The following CAPS2 variants were observed in gnomAD, a reference collection of about 807,000 sequenced individuals.
CAPS2 encodes calcyphosine 2.
CAPS2 carries 98 observed loss-of-function variants against 86.5 expected under a neutral mutation model. The ratio of observed to expected loss-of-function variants is 1.13; its 90% CI spans 0.96 to 1.34. CAPS2 has a LOEUF of 1.34. Ranked by LOEUF, CAPS2 falls within the 40% of genes most tolerant of loss-of-function variation. The pLI, the probability that CAPS2 is intolerant of heterozygous loss-of-function variation, is 0.00. For missense variants in CAPS2, 729 were observed against 686.8 expected, an observed-to-expected ratio of 1.06 and a Z score of -0.69; for synonymous variants, 210 against 225.1, an observed-to-expected ratio of 0.93 and a Z score of 0.60.
chr12:75,293,152 G>A, intron 12 of CAPS2, 97 bp downstream of exon 12: 1 of 754,014 alleles, frequency 1.3e-6, no homozygotes, highest in Non-Finnish European at 2.2e-6. Context: ...AAACCTTAAT[G>A]AAGTTATAAA....
At chr12:75,330,227 C>G (rs899237582), upstream of CAPS2, among the ~76,000 whole-genome samples, 6 of 152,204 alleles carry the variant, frequency 3.9e-5, no homozygotes, top group African/African-American at 1.4e-4. Flanking sequence ...GAGCTTGTGG[C>G]CGGAGACCCC....
chr12:75,306,069 C>G (rs2038447872), intron 7 of CAPS2: 4 of 1,469,134 alleles, frequency 2.7e-6, no homozygotes, highest in African/African-American at 2.8e-5. Context: ...CTAGAACGTG[C>G]TGCGCGTCCT....
chr12:75,288,143 C>A (rs961358203), intron 14 of CAPS2, among the ~76,000 whole-genome samples: 9 of 152,180 alleles, frequency 5.9e-5, no homozygotes, highest in African/African-American at 1.9e-4. Flanking sequence ...GACATCAAGG[C>A]TTTCTAATTT....
chr12:75,299,988 G>T (rs566689942), intron 8 of CAPS2, 77 bp from the exon 9 acceptor site: 4 of 573,432 alleles, frequency 7.0e-6, no homozygotes, highest in East Asian at 3.2e-5. Context: ...TACAAAAAAA[G>T]TTATGTTAAT....
chr12:75,304,798 CA>C lies in CAPS2; in HGVS notation c.737del (p.Met246ArgfsTer16). ...TTCTTTTTCTAAATCGAAGAGGTGT[CA>C]TCTTTGAATCTGGAAGGATATGATC... On this transcript the variant is annotated frameshift_variant, in exon 8 of 17. Transcript: ENST00000393284. LOFTEE classifies it high-confidence loss of function. 6.2e-7 allele frequency: 1 copy of C among 1,607,574 alleles called. No individual in the cohort carries two copies. Among genetic ancestry groups the C allele is most frequent in the Non-Finnish European group, 8.5e-7 (1 of 1,176,564 alleles).
At chr12:75,343,934 C>T in intron 1 of CAPS2, 1 of 1,604,660 alleles carries the variant, frequency 6.2e-7, no homozygotes, top group South Asian at 1.1e-5. Context: ...GGCCATTATA[C>T]ACAGGTAAAT....
intron 7 of CAPS2, 27 bp downstream of exon 7, chr12:75,312,821 T>C (rs758579700): frequency 1.6e-6 from 2 of 1,280,058 alleles, no homozygotes; most frequent in South Asian, 1.2e-5. Flanking sequence ...TCTGAATTGA[T>C]TTCTATTACC....
At chr12:75,317,953 A>G (rs2138927993) in intron 5 of CAPS2, among the ~76,000 whole-genome samples, 1 of 152,176 alleles carries the variant, frequency 6.6e-6, no homozygotes, top group South Asian at 2.1e-4. Context: ...TATTTATCTT[A>G]TAACTGAAAG....
chr12:75,381,387 AAAC>A (rs1425103889), intron 1 of CAPS2, among the ~76,000 whole-genome samples: 1 of 152,158 alleles, frequency 6.6e-6, no homozygotes, highest in Non-Finnish European at 1.5e-5. Flanking sequence ...AGCAGCATGA[AAAC>A]AAACTAATAC....
exon 17 of CAPS2, chr12:75,277,975 T>C (rs1345302633): frequency 1.1e-6 from 1 of 881,716 alleles, no homozygotes; most frequent in Non-Finnish European, 1.4e-6. Context: ...TAGAATATCA[T>C]ACATTCATTT....
At chr12:75,321,626 T>G in intron 4 of CAPS2, 50 bp from the exon 5 acceptor site, 1 of 1,354,320 alleles carries the variant, frequency 7.4e-7, no homozygotes, top group Non-Finnish European at 1.0e-6. Context: ...AAGTATTAAT[T>G]TTCCTTATTG....
intron 11 of CAPS2, among the ~76,000 whole-genome samples, chr12:75,297,575 A>G (rs960223953): frequency 6.6e-6 from 1 of 152,184 alleles, no homozygotes; most frequent in Non-Finnish European, 1.5e-5. Context: ...GTAACCAGAC[A>G]GATCTTTCAA....
intron 1 of CAPS2, among the ~76,000 whole-genome samples, chr12:75,379,247 G>T (rs1345346449): frequency 6.6e-6 from 1 of 152,142 alleles, no homozygotes; most frequent in African/African-American, 2.4e-5. Context: ...AATTAGCACT[G>T]CTATAGGAAC....
chr12:75,278,552 G>A (rs1458515242), exon 17 of CAPS2: 1 of 1,003,878 alleles, frequency 1.0e-6, no homozygotes. Context: ...CATATTGTTT[G>A]ATGCAGATGT....
intron 1 of CAPS2, chr12:75,347,660 T>C: frequency 6.2e-7 from 1 of 1,610,194 alleles, no homozygotes; most frequent in South Asian, 1.1e-5. Flanking sequence ...GTTGTGCAGT[T>C]GCAATGTGTC....
chr12:75,344,076 TTTAATAATA>T, intron 1 of CAPS2: 2 of 620,604 alleles, frequency 3.2e-6, no homozygotes, highest in Non-Finnish European at 2.7e-6. Flanking sequence ...TCTTGAGCAA[TTTAATAATA>T]ATATACCAAA....
downstream of CAPS2, chr12:75,276,378 C>T (rs1223496182): frequency 5.1e-6 from 7 of 1,368,272 alleles, no homozygotes; most frequent in Non-Finnish European, 6.6e-6. Context: ...TCCTGAAATA[C>T]TTGATAACAA....
downstream of CAPS2, chr12:75,276,574 C>A: frequency 3.1e-6 from 3 of 975,952 alleles, no homozygotes; most frequent in Non-Finnish European, 3.7e-6. Flanking sequence ...ATTGCTCCAT[C>A]ATGCAAATAT....
intron 1 of CAPS2, among the ~76,000 whole-genome samples, chr12:75,340,806 G>A (rs1593668979): frequency 6.6e-6 from 1 of 150,962 alleles, no homozygotes; most frequent in Non-Finnish European, 1.5e-5. Context: ...ATATACAGAT[G>A]GAAAATAAGC....
Sources: allele counts gnomAD v4.1 joint callset (sites outside exome capture counted in the v4.1 genomes callset), GRCh38; gene constraint gnomAD v4.1.1; transcripts MANE v1.5; gene names NCBI Gene and HGNC (gene_info 2026-07-23, HGNC 2026-07-21).